Variants in MYO1E observed in about 807,000 individuals in gnomAD.
MYO1E encodes the protein myosin IE.
In MYO1E, 68 loss-of-function variants were observed where a neutral mutation model predicts 151.1. The ratio of observed to expected loss-of-function variants is 0.45; its 90% CI spans 0.37 to 0.55. The LOEUF (loss-of-function observed/expected upper bound fraction) is 0.55. Ranked by LOEUF, MYO1E falls within the 20% of genes least tolerant of loss-of-function variation. MYO1E has a pLI of 0.00. For missense variants in MYO1E, 1,363 were observed against 1,389.3 expected, an observed-to-expected ratio of 0.98 and a Z score of 0.30; for synonymous variants, 601 against 501.7, an observed-to-expected ratio of 1.20 and a Z score of -2.64.
intron 2 of MYO1E, among the ~76,000 whole-genome samples, chr15:59,263,747 G>A (rs2080237352): frequency 6.6e-6 from 1 of 152,094 alleles, no homozygotes; most frequent in African/African-American, 2.4e-5. Flanking sequence ...TGGTCTAAGG[G>A]CAGGCCATAG....
At chr15:59,320,579 A>T (rs1470616199) in intron 1 of MYO1E, among the ~76,000 whole-genome samples, 1 of 152,240 alleles carries the variant, frequency 6.6e-6, no homozygotes. Context: ...AAAATAAGCA[A>T]TGTGGAAAGA....
chr15:59,182,912 T>C (rs1246023355), intron 18 of MYO1E, among the ~76,000 whole-genome samples: 2 of 152,202 alleles, frequency 1.3e-5, no homozygotes, highest in Admixed American at 6.5e-5. Flanking sequence ...GGGATGAAAC[T>C]GTTCCACCTC....
rs879913063 is a variant in MYO1E at position 59,159,036 on chromosome 15, C to A, written c.2786-657G>T. On this transcript the variant is annotated intron_variant, in intron 24 of 27. Transcript: ENST00000288235. The surrounding 1 kb of genome is among the most constrained non-coding windows in gnomAD (Gnocchi z 4.4). ...ATGTGGGGAAGAAAAACAATAGGGT[C>A]TTGAATGGAACAGGAAGGAAGGTAG... Among the ~76,000 whole-genome samples the A allele has an allele frequency of 1.3e-5, 2 of 152,084 alleles. No individual in the cohort carries two copies. The highest frequency in any genetic ancestry group is 3.9e-4 in the East Asian group (2 of 5,194).
intron 1 of MYO1E, among the ~76,000 whole-genome samples, chr15:59,339,771 T>C (rs781308293): frequency 1.3e-5 from 2 of 152,206 alleles, no homozygotes; most frequent in Non-Finnish European, 2.9e-5. Flanking sequence ...GAAGACTGCT[T>C]GAGCCCAGGA....
intron 3 of MYO1E, among the ~76,000 whole-genome samples, chr15:59,259,592 T>C (rs561517988): frequency 1.4e-4 from 21 of 152,214 alleles, no homozygotes; most frequent in African/African-American, 5.1e-4. Context: ...AATGAGAAAG[T>C]AGAGGACTGT....
At chr15:59,357,059 C>T (rs1449194897) in intron 1 of MYO1E, among the ~76,000 whole-genome samples, 1 of 152,044 alleles carries the variant, frequency 6.6e-6, no homozygotes, top group Admixed American at 6.6e-5. Context: ...GCGCCCACCA[C>T]CACACCCAGC....
Position 59,372,789 on chromosome 15 carries a change from A to AT in MYO1E, c.-290dup. On this transcript the variant is annotated 5_prime_UTR_variant, in exon 1 of 28. Coordinates refer to ENST00000288235, the MANE Select transcript of MYO1E (RefSeq NM_004998.4). ...GTCGCCGCCGGCCCAGGTGAGTCCG[A>AT]TGCGCTCGGAGCGTCCGCCTCGCTC... 1 of 512,626 alleles carries AT rather than the reference A, an allele frequency of 2.0e-6. No individual in the cohort carries two copies. Among genetic ancestry groups the AT allele is most frequent in the Non-Finnish European group, 3.4e-6 (1 of 290,586 alleles). 31.8% of individuals were successfully genotyped at this position (512,626 alleles called of 1,614,324 possible). A position where few individuals can be genotyped will look rare whatever the true frequency, so the allele number is the denominator to read the frequency against.
intron 1 of MYO1E, among the ~76,000 whole-genome samples, chr15:59,330,176 G>T (rs2080689701): frequency 6.6e-6 from 1 of 152,116 alleles, no homozygotes; most frequent in East Asian, 1.9e-4. Context: ...AGCAGTAAGA[G>T]ATATTCCACA....
At chr15:59,190,294 G>A (rs770381530) in intron 17 of MYO1E, among the ~76,000 whole-genome samples, 4 of 152,230 alleles carry the variant, frequency 2.6e-5, no homozygotes, top group Non-Finnish European at 5.9e-5. Context: ...CACACTCCCT[G>A]TTTGGTACAT....
intron 16 of MYO1E, among the ~76,000 whole-genome samples, chr15:59,196,965 T>A (rs953806614): frequency 6.6e-6 from 1 of 151,364 alleles, no homozygotes; most frequent in African/African-American, 2.4e-5. Flanking sequence ...TTTTAGATTT[T>A]AGTTTTGTAT....
intron 1 of MYO1E, among the ~76,000 whole-genome samples, chr15:59,312,972 C>T (rs573782687): frequency 7.2e-5 from 11 of 152,220 alleles, no homozygotes; most frequent in African/African-American, 2.2e-4. Context: ...ACCCGGGAGG[C>T]GGAGATCACG....
chr15:59,367,838 G>A (rs1354231178), intron 1 of MYO1E, among the ~76,000 whole-genome samples: 2 of 152,238 alleles, frequency 1.3e-5, no homozygotes, highest in African/African-American at 4.8e-5. Flanking sequence ...AATTGGCAGA[G>A]GCCGGGCGTG....
intron 4 of MYO1E, among the ~76,000 whole-genome samples, chr15:59,249,927 A>G (rs1408828683): frequency 1.3e-5 from 2 of 152,044 alleles, no homozygotes; most frequent in Non-Finnish European, 2.9e-5. Flanking sequence ...CCTCTCCAAC[A>G]TTATTTGGAA....
intron 1 of MYO1E, among the ~76,000 whole-genome samples, chr15:59,343,186 G>A (rs774952166): frequency 2.6e-5 from 4 of 152,124 alleles, no homozygotes; most frequent in Non-Finnish European, 2.9e-5. Flanking sequence ...TTTCTTGTAG[G>A]ATAGGCCTGG....
chr15:59,226,544 C>T (rs191406493), intron 7 of MYO1E, among the ~76,000 whole-genome samples: 12 of 152,302 alleles, frequency 7.9e-5, no homozygotes, highest in East Asian at 7.7e-4. Flanking sequence ...CAATGGCTCA[C>T]GCCTGTAATC....
intron 14 of MYO1E, chr15:59,208,162 A>G (rs1205772391): frequency 7.6e-7 from 1 of 1,315,448 alleles, no homozygotes; most frequent in African/African-American, 1.5e-5. Context: ...TTTTGAATAA[A>G]CTTGAATTCC....
chr15:59,325,904 C>T (rs1439708084), intron 1 of MYO1E, among the ~76,000 whole-genome samples: 1 of 152,176 alleles, frequency 6.6e-6, no homozygotes, highest in African/African-American at 2.4e-5. Context: ...CAGCTCTAAC[C>T]CCCATGGCCT....
intron 19 of MYO1E, among the ~76,000 whole-genome samples, chr15:59,176,654 G>T (rs546300333): frequency 1.3e-5 from 2 of 151,962 alleles, no homozygotes; most frequent in South Asian, 4.2e-4. Context: ...TAGAGAAGAG[G>T]TCTAACTGAC....
chr15:59,191,332 C>CAGAGACAGAGAGAGAGAG (rs1191337285), intron 17 of MYO1E, among the ~76,000 whole-genome samples: 14 of 105,746 alleles, frequency 1.3e-4, no homozygotes, highest in African/African-American at 4.5e-4. Context: ...CAGACAGAGA[C>CAGAGACAGAGAGAGAGAG]AGAGAGAGAG....
Sources: gnomAD v4.1 joint callset for allele counts (sites outside exome capture counted in the v4.1 genomes callset) on GRCh38, gnomAD v4.1.1 for gene constraint, Gnocchi (gnomAD v3.1) non-coding constraint, MANE v1.5 for transcripts, NCBI Gene and HGNC (gene_info 2026-07-23, HGNC 2026-07-21) for gene names.